The following THRB variants were observed in gnomAD, a reference collection of about 807,000 sequenced individuals.
The protein encoded by THRB is thyroid hormone receptor beta, also known as nuclear receptor subfamily 1 group A member 2.
THRB carries 12 observed loss-of-function variants against 47.8 expected under a neutral mutation model. That is an observed-to-expected ratio of 0.25 (90% CI 0.16 to 0.41). The LOEUF (loss-of-function observed/expected upper bound fraction) is 0.41. Among genes scored for constraint, THRB ranks in the 10% least tolerant of loss-of-function variants. THRB has a pLI of 1.00. For missense variants in THRB, 348 were observed against 589.2 expected, an observed-to-expected ratio of 0.59 and a Z score of 4.24; for synonymous variants, 218 against 212.2, an observed-to-expected ratio of 1.03 and a Z score of -0.24.
chr3:24,156,155 A>G (rs2149160288), intron 5 of THRB, among the ~76,000 whole-genome samples: 1 of 152,372 alleles, frequency 6.6e-6, no homozygotes, highest in Admixed American at 6.5e-5. Flanking sequence ...TATTTAAAAA[A>G]TATTCTCTGA....
At position 24,398,887 on chromosome 3, in the gene THRB, A is replaced by T. The variant is rs1274657325; in HGVS notation, c.-260-61516T>A. On this transcript the variant is annotated intron_variant, in intron 1 of 10. Transcript: ENST00000646209. ...ATGTGGCACATATACACCATGGAAT[A>T]CTATGCAGCCATAAAAAATGATGAG... 2.0e-5 allele frequency among the ~76,000 whole-genome samples: 3 copies of T among 152,292 alleles called. No homozygotes were observed. In the East Asian group the frequency reaches 5.8e-4, roughly 29 times the overall value.
At chr3:24,197,294 G>A (rs1196783447) in intron 4 of THRB, among the ~76,000 whole-genome samples, 1 of 152,196 alleles carries the variant, frequency 6.6e-6, no homozygotes, top group African/African-American at 2.4e-5. Context: ...TGGTGAAAAT[G>A]AAACCTATTT....
At chr3:24,310,644 G>A (rs75215653) in intron 2 of THRB, among the ~76,000 whole-genome samples, 44 of 152,282 alleles carry the variant, frequency 2.9e-4, no homozygotes, top group Non-Finnish European at 4.7e-4. Flanking sequence ...GGGACTCACT[G>A]CTCTAAAGCA....
chr3:24,451,178 A>G (rs1383825122), intron 1 of THRB, among the ~76,000 whole-genome samples: 2 of 136,240 alleles, frequency 1.5e-5, no homozygotes, highest in Non-Finnish European at 3.1e-5. Flanking sequence ...TCAGTTGAAG[A>G]TTTTCTGATT....
At chr3:24,320,263 A>G (rs999732568) in intron 2 of THRB, among the ~76,000 whole-genome samples, 1 of 152,240 alleles carries the variant, frequency 6.6e-6, no homozygotes. Flanking sequence ...ATGCCTGTCC[A>G]ATCGAAAGGA....
At chr3:24,417,095 AACACACACACACAC>A (rs67541584) in intron 1 of THRB, among the ~76,000 whole-genome samples, 12 of 135,640 alleles carry the variant, frequency 8.8e-5, no homozygotes, top group South Asian at 7.2e-4. Context: ...ATTTTAAACC[AACACACACACACAC>A]ACACACACAC....
At chr3:24,238,300 G>GGTGTGTAT (rs71057661) in intron 3 of THRB, among the ~76,000 whole-genome samples, 1 of 125,672 alleles carries the variant, frequency 8.0e-6, no homozygotes, top group Non-Finnish European at 1.8e-5. Context: ...GGGTGTGTGG[G>GGTGTGTAT]GTGTGTGTGT....
chr3:24,392,494 T>G (rs953319990), intron 1 of THRB, among the ~76,000 whole-genome samples: 1 of 152,092 alleles, frequency 6.6e-6, no homozygotes, highest in Admixed American at 6.6e-5. Context: ...ATAACTGTAT[T>G]TTTGCACCCC....
At chr3:24,471,478 T>A (rs1252427942) in intron 1 of THRB, among the ~76,000 whole-genome samples, 1 of 152,250 alleles carries the variant, frequency 6.6e-6, no homozygotes, top group African/African-American at 2.4e-5. Flanking sequence ...TCTAATGCAA[T>A]GTTGTGGTTT....
chr3:24,435,691 C>T (rs1169786497), intron 1 of THRB, among the ~76,000 whole-genome samples: 1 of 152,206 alleles, frequency 6.6e-6, no homozygotes, highest in East Asian at 1.9e-4. Flanking sequence ...TAGCCACCCC[C>T]ACTCAACAAC....
intron 3 of THRB, among the ~76,000 whole-genome samples, chr3:24,264,022 T>C (rs1045184425): frequency 6.6e-6 from 1 of 152,302 alleles, no homozygotes; most frequent in Admixed American, 6.5e-5. Flanking sequence ...CATTAATGTC[T>C]ATTGGCCAAA....
At chr3:24,293,831 C>T (rs1334609282) in intron 3 of THRB, among the ~76,000 whole-genome samples, 1 of 152,194 alleles carries the variant, frequency 6.6e-6, no homozygotes, top group African/African-American at 2.4e-5. Flanking sequence ...TTAGTTTAGA[C>T]TCACTGTTAA....
Position 24,439,036 on chromosome 3 carries a change from C to T in THRB, c.-261+55616G>A, listed in dbSNP as rs572814492. Among the ~76,000 whole-genome samples the T allele has an allele frequency of 7.2e-5, 11 of 152,242 alleles. No homozygotes were observed. The East Asian group carries it at 2.1e-3, about 29-fold the overall frequency. The stretch of plus-strand genomic sequence containing the variant: ...AAGTCTAGTCTGATCCCACAGGGAG[C>T]TCTGGGGTGTAAATCACTCAGAGGT... On this transcript the variant is annotated intron_variant, in intron 1 of 10. Transcript: ENST00000646209.
intron 1 of THRB, among the ~76,000 whole-genome samples, chr3:24,471,077 C>T (rs1305965789): frequency 6.6e-6 from 1 of 152,174 alleles, no homozygotes; most frequent in Non-Finnish European, 1.5e-5. Flanking sequence ...GGATTTTGTT[C>T]TGACTGAAAG....
At chr3:24,424,177 A>G (rs2069535762) in intron 1 of THRB, among the ~76,000 whole-genome samples, 1 of 151,862 alleles carries the variant, frequency 6.6e-6, no homozygotes, top group African/African-American at 2.4e-5. Context: ...GAATCCTTTC[A>G]TTCCCGCCCG....
chr3:24,218,294 T>A (rs529839372), intron 4 of THRB, among the ~76,000 whole-genome samples: 2 of 149,474 alleles, frequency 1.3e-5, no homozygotes, highest in African/African-American at 2.5e-5. Context: ...CAAAAAAAAA[T>A]TTCCATAAAG....
intron 3 of THRB, among the ~76,000 whole-genome samples, chr3:24,278,378 A>G (rs896994012): frequency 1.3e-5 from 2 of 152,228 alleles, no homozygotes; most frequent in African/African-American, 2.4e-5. Flanking sequence ...TATGTAATAT[A>G]TTAAAAATCA....
chr3:24,435,728 T>C (rs1289681316), intron 1 of THRB, among the ~76,000 whole-genome samples: 1 of 152,120 alleles, frequency 6.6e-6, no homozygotes, highest in African/African-American at 2.4e-5. Context: ...CCCCAAAGTA[T>C]TGAAAAGGCA....
intron 1 of THRB, among the ~76,000 whole-genome samples, chr3:24,438,536 T>TGTGTGCGC (rs966247174): frequency 2.0e-5 from 3 of 150,952 alleles, no homozygotes; most frequent in Admixed American, 6.6e-5. Flanking sequence ...TGTGTGTGTG[T>TGTGTGCGC]GCACATGCAT....
Sources: allele counts gnomAD v4.1 joint callset (sites outside exome capture counted in the v4.1 genomes callset), GRCh38; gene constraint gnomAD v4.1.1; transcripts MANE v1.5; gene names NCBI Gene and HGNC (gene_info 2026-07-23, HGNC 2026-07-21).